GCDH: variants seen among roughly 807,000 people sequenced by gnomAD.
GCDH encodes glutaryl-CoA dehydrogenase.
In GCDH, 31 loss-of-function variants were observed where a neutral mutation model predicts 52.8. The ratio of observed to expected loss-of-function variants is 0.59; its 90% CI spans 0.44 to 0.79. The LOEUF is 0.79. Ranked by LOEUF, GCDH falls within the 30% of genes least tolerant of loss-of-function variation. The pLI, the probability that GCDH is intolerant of heterozygous loss-of-function variation, is 0.00. For synonymous variants in GCDH, 242 were observed against 250.0 expected, an observed-to-expected ratio of 0.97 and a Z score of 0.30; for missense variants, 509 against 595.0, an observed-to-expected ratio of 0.86 and a Z score of 1.50.
chr19:12,895,645 T>A (rs993838196), intron 6 of GCDH, among the ~76,000 whole-genome samples: 1 of 151,904 alleles, frequency 6.6e-6, no homozygotes, highest in Admixed American at 6.6e-5. Context: ...GGAGTCTTGC[T>A]CTGTTGCCCA....
At chr19:12,891,619 C>G in intron 3 of GCDH, 97 bp downstream of exon 3, 2 of 1,611,652 alleles carry the variant, frequency 1.2e-6, no homozygotes, top group Non-Finnish European at 1.7e-6. Flanking sequence ...GCTGCCCGAG[C>G]GGGGTGGCAG....
Position 12,899,691 on chromosome 19 carries a change from C to T in GCDH, c.*150C>T. The T allele has an allele frequency of 6.2e-7, 1 of 1,612,442 alleles. No individual in the cohort carries two copies. Among genetic ancestry groups the T allele is most frequent in the Non-Finnish European group, 8.5e-7 (1 of 1,179,296 alleles). On this transcript the variant is annotated 3_prime_UTR_variant, in exon 12 of 12. Coordinates refer to ENST00000222214, the MANE Select transcript of GCDH (RefSeq NM_000159.4). ...CTGATTTTTAAATATCAAAATTTCC[C>T]TTCTGAAGTCGTTCAGATGTGTTCC...
Position 12,898,975 on chromosome 19 carries a change from G to A in GCDH, c.1244-493G>A, listed in dbSNP as rs149120550. ...AGCTGAGGCAAGTGACTGCTCTTCCGATGTGCTGTCCCTCCTATCCCTCCC... is the reference window on the plus strand; with the variant it reads ...AGCTGAGGCAAGTGACTGCTCTTCCAATGTGCTGTCCCTCCTATCCCTCCC... On this transcript the variant is annotated intron_variant, in intron 11 of 11. Transcript: ENST00000222214. The A allele has an allele frequency of 6.8e-3, 2,058 of 304,194 alleles. 19 individuals are homozygous for A. The highest frequency in any genetic ancestry group is 0.034 in the Middle Eastern group (29 of 846). 18.8% of individuals were successfully genotyped at this position (304,194 alleles called of 1,614,324 possible).
At chr19:12,897,493 GGAGA>G in intron 10 of GCDH, 65 bp downstream of exon 10, 1 of 1,574,206 alleles carries the variant, frequency 6.4e-7, no homozygotes, top group Middle Eastern at 1.7e-4. Context: ...TGTCCTTCCT[GGAGA>G]GAAAGGTCCT....
At chr19:12,892,309 C>G (rs963919834) in intron 5 of GCDH, 131 bp downstream of exon 5, 4 of 873,482 alleles carry the variant, frequency 4.6e-6, no homozygotes, top group Non-Finnish European at 7.3e-6. Context: ...CTTCTTCCCC[C>G]CCAACAGAGT....
Position 12,896,395 on chromosome 19 carries a change from G to T in GCDH, c.826G>T (p.Val276Leu), listed in dbSNP as rs763300541. 52 of 1,613,652 alleles carry T rather than the reference G, an allele frequency of 3.2e-5. No homozygotes were observed. The Middle Eastern group carries it at 5.0e-4, about 15-fold the overall frequency. The change falls in exon 8 of 12, where the codon GTG becomes TTG. Residue 276 changes from valine to leucine, a missense_variant. Coordinates refer to ENST00000222214, the MANE Select transcript of GCDH (RefSeq NM_000159.4). This position sits in a 1 kb window ranked among gnomAD's most constrained non-coding sequence, Gnocchi z 5.5. ...CGGTGTGGAGGTGCCAGAGGAGAAT[G>T]TGCTCCCTGGTGCATCCAGCCTGGG... ...MDGVEVPEEN[V>L]LPGASSLGGP...
rs1168202244 is a variant in GCDH, at chr19:12,891,959, G to A, written c.256G>A (p.Ala86Thr). 6.2e-7 allele frequency: 1 copy of A among 1,614,100 alleles called. No homozygotes were observed. Among genetic ancestry groups the A allele is most frequent in the Non-Finnish European group, 8.5e-7 (1 of 1,180,048 alleles). Residue 86 changes from alanine to threonine, a missense_variant, in exon 4 of 12, where the codon GCC becomes ACC. Coordinates refer to ENST00000222214, the MANE Select transcript of GCDH (RefSeq NM_000159.4). ...QERLMPRILL[A>T]NRNEVFHREI... ...GAGACTCATGCCTCGCATCCTGTTG[G>A]CCAATCGCAACGAAGGTGGGCGGGC...
chr19:12,894,100 C>A, intron 6 of GCDH: 1 of 963,218 alleles, frequency 1.0e-6, no homozygotes, highest in Non-Finnish European at 1.6e-6. Context: ...GGCCCTCTTC[C>A]GTGGTGTCTC....
At position 12,891,286 on chromosome 19, in the gene GCDH, C is replaced by G. The variant is rs1430844020; in HGVS notation, c.-19C>G. 6.3e-7 allele frequency: 1 copy of G among 1,598,592 alleles called. No individual in the cohort carries two copies. The highest frequency in any genetic ancestry group is 8.5e-7 in the Non-Finnish European group (1 of 1,177,336). On this transcript the variant is annotated 5_prime_UTR_variant, in exon 2 of 12. Transcript: ENST00000222214. ...GCTCCTGTAGGTCGCCGTCGTTGCT[C>G]CGCTCGCTCTGAGAGAGCATGGCCC...
chr19:12,894,214 T>C, intron 6 of GCDH: 7 of 1,429,968 alleles, frequency 4.9e-6, no homozygotes, highest in Non-Finnish European at 6.9e-6. Context: ...TTGTACTTTT[T>C]ATGAGAAGCG....
intron 5 of GCDH, chr19:12,892,584 G>A (rs1970586240): frequency 3.7e-6 from 1 of 268,480 alleles, no homozygotes; most frequent in Non-Finnish European, 7.2e-6. Flanking sequence ...GAGCCACCAC[G>A]TTCAGCCTTC....
In GCDH at chr19:12,897,807, A is replaced by G. The variant is rs1299743189; in HGVS notation, c.1187A>G (p.Asp396Gly). The G allele has an allele frequency of 6.2e-7, 1 of 1,613,852 alleles. No individual in the cohort carries two copies. The highest frequency in any genetic ancestry group is 8.5e-7 in the Non-Finnish European group (1 of 1,179,964). Residue 396 changes from aspartate to glycine, a missense_variant, in exon 11 of 12, where the codon GAC becomes GGC. Asp to Gly is a moderately conservative substitution (Grantham distance 94). Transcript: ENST00000222214. ...ATGCTGGGGGGGAATGGGATTTCTG[A>G]CGAGTATCACGTGATCCGGCACGCC... Reference protein sequence around the residue: ...RDMLGGNGISDEYHVIRHAMN... With the variant: ...RDMLGGNGISGEYHVIRHAMN...
At chr19:12,891,649 G>A (rs1389858218) in intron 3 of GCDH, 127 bp downstream of exon 3, 4 of 1,607,260 alleles carry the variant, frequency 2.5e-6, no homozygotes, top group African/African-American at 1.3e-5. Flanking sequence ...CAGGGTCAGA[G>A]GCACTAAGGC....
intron 11 of GCDH, 56 bp downstream of exon 11, chr19:12,897,919 C>T (rs1970725668): frequency 2.0e-6 from 3 of 1,490,900 alleles, no homozygotes; most frequent in East Asian, 2.3e-5. Context: ...GGAGGGGGTA[C>T]AGGGAGGTGG....
intron 11 of GCDH, chr19:12,899,229 T>C (rs1970772396): frequency 9.9e-7 from 1 of 1,005,774 alleles, no homozygotes; most frequent in East Asian, 2.4e-5. Flanking sequence ...TGTTTTTTTC[T>C]GCCAAGATGC....
chr19:12,897,885 GCTCA>G, intron 11 of GCDH, 22 bp downstream of exon 11: 1 of 1,601,690 alleles, frequency 6.2e-7, no homozygotes, highest in Admixed American at 1.7e-5. Flanking sequence ...ACCTCAGAGG[GCTCA>G]CTGAGGCCTC....
At chr19:12,892,055 G>A in intron 4 of GCDH, 61 bp from the exon 5 acceptor site, 1 of 1,612,974 alleles carries the variant, frequency 6.2e-7, no homozygotes, top group Non-Finnish European at 8.5e-7. Context: ...CTCTGTCCTT[G>A]GGGCTGGGGC....
Position 12,892,095 on chromosome 19 carries a change from T to G in GCDH, c.272-21T>G. The G allele has an allele frequency of 6.2e-7, 1 of 1,614,072 alleles. No homozygotes were observed. ...TGTGGCCTAGGCCTGGGCCTGAATT[T>G]GGGCACTGGTCCCTTTGCAGTTTTT... On this transcript the variant is annotated intron_variant, in intron 4 of 11. Coordinates refer to ENST00000222214, the MANE Select transcript of GCDH (RefSeq NM_000159.4).
chr19:12,891,841 C>T lies in GCDH; in HGVS notation c.138C>T (p.Pro46=), dbSNP rs1403429553. 2 of 1,614,072 alleles carry T rather than the reference C, an allele frequency of 1.2e-6. No homozygotes were observed. The highest frequency in any genetic ancestry group is 3.3e-5 in the Admixed American group (2 of 60,018). Residue 46 remains proline (P), a synonymous_variant, in exon 4 of 12, where the codon CCC becomes CCT. Coordinates refer to ENST00000222214, the MANE Select transcript of GCDH (RefSeq NM_000159.4). The part of the protein sequence containing the change: ...TQSQLAKSSR[P]EFDWQDPLVL... ...AATTCCCCTTCCCAGCCTCGCGTCCCGAGTTTGACTGGCAGGACCCGCTGG... is the reference window on the plus strand; with the variant it reads ...AATTCCCCTTCCCAGCCTCGCGTCCTGAGTTTGACTGGCAGGACCCGCTGG...
Sources: allele counts gnomAD v4.1 joint callset (sites outside exome capture counted in the v4.1 genomes callset), GRCh38; gene constraint gnomAD v4.1.1; non-coding constraint Gnocchi (gnomAD v3.1); transcripts MANE v1.5; gene names NCBI Gene and HGNC (gene_info 2026-07-23, HGNC 2026-07-21).